The following BLVRB variants were observed in gnomAD, a reference collection of about 807,000 sequenced individuals.
BLVRB encodes the protein biliverdin reductase B.
In BLVRB, 25 loss-of-function variants were observed where a neutral mutation model predicts 21.1. The ratio of observed to expected loss-of-function variants is 1.19; its 90% confidence interval spans 0.86 to 1.66. The LOEUF (loss-of-function observed/expected upper bound fraction) is 1.66. BLVRB is among the 40% of genes most tolerant of loss of function. The pLI is 0.00. For missense variants in BLVRB, 274 were observed against 282.7 expected, an observed-to-expected ratio of 0.97 and a Z score of 0.22; for synonymous variants, 128 against 122.2, an observed-to-expected ratio of 1.05 and a Z score of -0.31.
rs76714982 is a variant in BLVRB at position 40,457,695 on chromosome 19, G to A, written c.334+460C>T. The A allele has an allele frequency of 7.0e-3, 1,097 of 156,212 alleles. 12 individuals carry two copies. Among genetic ancestry groups the A allele is most frequent in the African/African-American group, 0.026 (1,032 of 40,262 alleles). The allele number at this position is 156,212 out of a possible 1,614,324, so 9.7% of individuals were successfully genotyped here. A position where few individuals can be genotyped will look rare whatever the true frequency, so the allele number is the denominator to read the frequency against. ...ATAAATAAATAAATGATTATACAGG[G>A]CAACTATTTGCTTAATGTCTGTGTC... On this transcript the variant is annotated intron_variant, in intron 3 of 4. Coordinates refer to ENST00000263368, the MANE Select transcript of BLVRB (RefSeq NM_000713.3).
chr19:40,461,417 T>C (rs562955515), intron 1 of BLVRB, among the ~76,000 whole-genome samples: 1 of 152,178 alleles, frequency 6.6e-6, no homozygotes, highest in Admixed American at 6.5e-5. Flanking sequence ...ATGCTCCTCA[T>C]GCCAGCCTTC....
At position 40,451,436 on chromosome 19, in the gene BLVRB, C is replaced by A; in HGVS notation, c.391G>T (p.Asp131Tyr). The change falls in exon 4 of 5, where the codon GAC (aspartate) becomes TAC (tyrosine). Residue 131 changes from aspartate (D) to tyrosine (Y), a missense_variant. Transcript: ENST00000263368. ...AGCACCTTGTGCATCCGGATGTGGTCATCAGTCACAGCCTGCAGTCGTGGG... is the reference window on the plus strand; with the variant it reads ...AGCACCTTGTGCATCCGGATGTGGTAATCAGTCACAGCCTGCAGTCGTGGG... ...VPPRLQAVTD[D>Y]HIRMHKVLRE... 6.2e-7 allele frequency: 1 copy of A among 1,612,970 alleles called. No individual in the cohort carries two copies. Among genetic ancestry groups the A allele is most frequent in the South Asian group, 1.1e-5 (1 of 90,720 alleles).
intron 4 of BLVRB, among the ~76,000 whole-genome samples, 184 bp downstream of exon 4, chr19:40,451,180 G>A (rs1403743094): frequency 6.6e-6 from 1 of 152,176 alleles, no homozygotes; most frequent in Non-Finnish European, 1.5e-5. Context: ...TACCATTTTG[G>A]AGATTCCAAG....
intron 4 of BLVRB, chr19:40,450,483 C>T (rs1433959323): frequency 4.0e-5 from 6 of 149,752 alleles, no homozygotes; most frequent in Admixed American, 4.0e-4. Context: ...CCGCCTCGGC[C>T]TCTCAAAGTG....
Position 40,454,181 on chromosome 19 carries a change from G to A in BLVRB, c.335-2689C>T, listed in dbSNP as rs550318884. On this transcript the variant is annotated intron_variant, in intron 3 of 4. Coordinates refer to ENST00000263368, the MANE Select transcript of BLVRB (RefSeq NM_000713.3). ...GAGCCTAGGAGTTGGAGGCGGTAGC[G>A]AGCTATGATGACATCATTCTCACTG... Among the ~76,000 whole-genome samples, 44 of 151,976 alleles carry A rather than the reference G, an allele frequency of 2.9e-4. No homozygotes were observed. The East Asian group carries it at 5.8e-3, about 20-fold the overall frequency.
intron 1 of BLVRB, among the ~76,000 whole-genome samples, 160 bp downstream of exon 1, chr19:40,465,450 C>T (rs1259564712): frequency 6.6e-6 from 1 of 152,252 alleles, no homozygotes; most frequent in Admixed American, 6.5e-5. Flanking sequence ...ACATCTTTCC[C>T]CATTTCTGCC....
intron 3 of BLVRB, among the ~76,000 whole-genome samples, chr19:40,456,541 C>G (rs2079762959): frequency 6.6e-6 from 1 of 151,738 alleles, no homozygotes; most frequent in Non-Finnish European, 1.5e-5. Flanking sequence ...ATCAATTTTA[C>G]AGGTTTGTCT....
chr19:40,464,256 AT>A (rs149934847), intron 1 of BLVRB, among the ~76,000 whole-genome samples: 6 of 147,782 alleles, frequency 4.1e-5, no homozygotes, highest in Non-Finnish European at 4.5e-5. Flanking sequence ...CAGCTAATTT[AT>A]TTTTTTTTTG....
rs1371597829 is a variant in BLVRB at position 40,449,206 on chromosome 19, T to C, written c.464-1160A>G. On this transcript the variant is annotated intron_variant, in intron 4 of 4. Coordinates refer to ENST00000263368, the MANE Select transcript of BLVRB (RefSeq NM_000713.3). ...CTTTAAAGTCACCTGGCCTGGTTAA[T>C]GTTATGAGAAACTTAAAGAAAAAGG... Among the ~76,000 whole-genome samples the C allele has an allele frequency of 6.6e-5, 10 of 152,094 alleles. No homozygotes were observed. In the East Asian group the frequency reaches 1.5e-3, roughly 23 times the overall value.
At chr19:40,463,172 G>A (rs1463066337) in intron 1 of BLVRB, among the ~76,000 whole-genome samples, 1 of 150,718 alleles carries the variant, frequency 6.6e-6, no homozygotes, top group Non-Finnish European at 1.5e-5. Flanking sequence ...CCACATTGAT[G>A]GGGAAACTGA....
intron 1 of BLVRB, among the ~76,000 whole-genome samples, chr19:40,463,775 T>TC (rs1293554338): frequency 6.6e-6 from 1 of 151,144 alleles, no homozygotes; most frequent in African/African-American, 2.4e-5. Flanking sequence ...CAGCTAATTT[T>TC]TTTTTTTTTG....
At chr19:40,463,382 C>T (rs1310886864) in intron 1 of BLVRB, among the ~76,000 whole-genome samples, 1 of 152,222 alleles carries the variant, frequency 6.6e-6, no homozygotes, top group Non-Finnish European at 1.5e-5. Flanking sequence ...TATCTAGGTA[C>T]ACAGATGACA....
intron 4 of BLVRB, chr19:40,450,613 G>A (rs2079735227): frequency 6.6e-6 from 1 of 150,950 alleles, no homozygotes; most frequent in African/African-American, 2.4e-5. Flanking sequence ...CAGCAGCCTG[G>A]GCAACAGTTT....
In BLVRB at chr19:40,458,322, G is replaced by A. The variant is rs1050831693; in HGVS notation, c.244+59C>T. 4 of 1,515,480 alleles carry A rather than the reference G, an allele frequency of 2.6e-6. No individual in the cohort carries two copies. The African/African-American group carries it at 4.1e-5, about 16-fold the overall frequency. The allele number at this position is 1,515,480 out of a possible 1,614,324, so 93.9% of individuals were successfully genotyped here. A position where few individuals can be genotyped will look rare whatever the true frequency, so the allele number is the denominator to read the frequency against. On this transcript the variant is annotated intron_variant, in intron 2 of 4. Transcript: ENST00000263368. ...GTGGCAGGGGCGGGGCCGGGGGCGG[G>A]GGTGGCGCTGGGGGCCGAGGTGTAG...
chr19:40,461,603 G>A (rs781415635), intron 1 of BLVRB, among the ~76,000 whole-genome samples: 2 of 151,626 alleles, frequency 1.3e-5, no homozygotes, highest in African/African-American at 4.9e-5. Flanking sequence ...GGGTTCAAGC[G>A]ATTCTCCTGC....
intron 3 of BLVRB, chr19:40,457,657 T>G (rs111929896): frequency 2.4e-5 from 3 of 124,792 alleles, no homozygotes; most frequent in African/African-American, 8.2e-5. Flanking sequence ...TCAAAATAAC[T>G]ATAAATAAAT....
chr19:40,461,459 A>G (rs1254465405), intron 1 of BLVRB, among the ~76,000 whole-genome samples: 7 of 150,190 alleles, frequency 4.7e-5, no homozygotes, highest in African/African-American at 1.7e-4. Flanking sequence ...TCTCCTCTCC[A>G]GGCTCTGCTG....
rs2079722510 is a variant in BLVRB at position 40,448,148 on chromosome 19, C to T, written c.464-102G>A. Reference sequence around the variant, plus strand: ...CTTCCCAGGGTGCCTACTGTGTGTCCAGCCTGGGTGGTGTCACAGCCAAGA... The same window carrying T: ...CTTCCCAGGGTGCCTACTGTGTGTCTAGCCTGGGTGGTGTCACAGCCAAGA... On this transcript the variant is annotated intron_variant, in intron 4 of 4. Transcript: ENST00000263368. 1.2e-5 allele frequency: 15 copies of T among 1,304,076 alleles called. No homozygotes were observed. The South Asian group carries it at 2.2e-4, about 19-fold the overall frequency. 80.8% of individuals were successfully genotyped at this position (1,304,076 alleles called of 1,614,324 possible).
intron 4 of BLVRB, among the ~76,000 whole-genome samples, chr19:40,449,461 G>GT (rs1342954867): frequency 6.6e-6 from 1 of 151,950 alleles, no homozygotes; most frequent in Admixed American, 6.6e-5. Flanking sequence ...GGCCAGGCTG[G>GT]TTTTGAACTC....
Sources: gnomAD v4.1 joint callset for allele counts (sites outside exome capture counted in the v4.1 genomes callset) on GRCh38, gnomAD v4.1.1 for gene constraint, MANE v1.5 for transcripts, NCBI Gene and HGNC (gene_info 2026-07-23, HGNC 2026-07-21) for gene names.